The following RBFOX1 variants were observed in gnomAD, a reference collection of about 807,000 sequenced individuals.
The protein encoded by RBFOX1 is RNA binding fox-1 homolog 1, also known as RNA binding protein fox-1 homolog 1.
Under a neutral mutation model 57.7 loss-of-function variants are expected in RBFOX1, and 8 were observed. That is an observed-to-expected ratio of 0.14 (90% CI 0.08 to 0.25). RBFOX1 has a LOEUF of 0.25. Among genes scored for constraint, RBFOX1 ranks in the 10% least tolerant of loss-of-function variants. The probability of loss-of-function intolerance (pLI) is 1.00; values close to 1 mark genes in which losing one functional copy is unlikely to be tolerated. For synonymous variants in RBFOX1, 326 were observed against 222.4 expected, an observed-to-expected ratio of 1.47 and a Z score of -4.15; for missense variants, 611 against 548.5, an observed-to-expected ratio of 1.11 and a Z score of -1.14.
At chr16:7,681,492 G>T (rs1237663640) in intron 14 of RBFOX1, among the ~76,000 whole-genome samples, 1 of 152,114 alleles carries the variant, frequency 6.6e-6, no homozygotes, top group African/African-American at 2.4e-5. Flanking sequence ...TTAAGTAGTA[G>T]AGAAAGGCTG....
At chr16:7,482,639 A>C (rs1282335249) in intron 4 of RBFOX1, among the ~76,000 whole-genome samples, 1 of 140,498 alleles carries the variant, frequency 7.1e-6, no homozygotes, top group African/African-American at 2.7e-5. Flanking sequence ...AAGAGAACCC[A>C]GGAGGAAGAA....
chr16:6,903,092 A>G (rs2068875850), intron 3 of RBFOX1, among the ~76,000 whole-genome samples: 1 of 152,174 alleles, frequency 6.6e-6, no homozygotes, highest in African/African-American at 2.4e-5. Flanking sequence ...TCAGGACTTC[A>G]AGGGAAACTT....
intron 3 of RBFOX1, among the ~76,000 whole-genome samples, chr16:6,784,444 G>A (rs1282405761): frequency 6.6e-6 from 1 of 151,984 alleles, no homozygotes; most frequent in African/African-American, 2.4e-5. Flanking sequence ...CTTCAGCTCT[G>A]CAATTTCTGT....
intron 2 of RBFOX1, among the ~76,000 whole-genome samples, chr16:6,323,259 A>G (rs889753757): frequency 6.6e-6 from 1 of 152,190 alleles, no homozygotes; most frequent in Non-Finnish European, 1.5e-5. Flanking sequence ...ATGGGTAAGG[A>G]AGAGGGAAGC....
chr16:7,077,399 G>C (rs1400907294), intron 4 of RBFOX1, among the ~76,000 whole-genome samples: 1 of 152,212 alleles, frequency 6.6e-6, no homozygotes, highest in East Asian at 1.9e-4. Context: ...ATTCAGGTTA[G>C]TGTAGGTGGT....
At chr16:7,607,717 T>C (rs2056613562) in intron 10 of RBFOX1, among the ~76,000 whole-genome samples, 1 of 152,232 alleles carries the variant, frequency 6.6e-6, no homozygotes, top group African/African-American at 2.4e-5. Context: ...GTTGGCATTT[T>C]CTTTTTCCTG....
At chr16:6,955,522 C>T (rs570271682) in intron 3 of RBFOX1, among the ~76,000 whole-genome samples, 3 of 147,120 alleles carry the variant, frequency 2.0e-5, no homozygotes, top group Non-Finnish European at 3.1e-5. Context: ...TAGCTCATTG[C>T]TTGCTTTTTT....
At chr16:6,579,195 T>G (rs77371611) in intron 2 of RBFOX1, among the ~76,000 whole-genome samples, 2,521 of 152,292 alleles carry the variant, frequency 0.017, 69 homozygotes, top group African/African-American at 0.056. Flanking sequence ...TTTTGTTTTC[T>G]TTTTTGTTAT....
intron 2 of RBFOX1, among the ~76,000 whole-genome samples, chr16:6,317,956 A>G (rs1281441430): frequency 6.6e-6 from 1 of 152,210 alleles, no homozygotes; most frequent in Admixed American, 6.5e-5. Context: ...CTGGAGTATA[A>G]TTTGATACAT....
chr16:6,445,147 A>T (rs1169442120), intron 2 of RBFOX1, among the ~76,000 whole-genome samples: 4 of 152,108 alleles, frequency 2.6e-5, no homozygotes, highest in Non-Finnish European at 4.4e-5. Flanking sequence ...TGATGGGAGG[A>T]TGCAAGTGGA....
Position 6,979,533 on chromosome 16 carries a change from C to T in RBFOX1, c.-15-72524C>T, listed in dbSNP as rs561458824. On this transcript the variant is annotated intron_variant, in intron 3 of 15. Coordinates refer to ENST00000550418, the MANE Select transcript of RBFOX1 (RefSeq NM_018723.4). ...TGTAGTTAATTAAAATGAATATCTT[C>T]AATTGGATACAGCAATGCTTTTGCA... Among the ~76,000 whole-genome samples, 58 of 152,272 alleles carry T rather than the reference C, an allele frequency of 3.8e-4. No homozygotes were observed. In the South Asian group the frequency reaches 0.012, roughly 32 times the overall value.
chr16:6,262,178 C>T (rs2152637811), intron 1 of RBFOX1, among the ~76,000 whole-genome samples: 1 of 152,264 alleles, frequency 6.6e-6, no homozygotes, highest in Admixed American at 6.5e-5. Context: ...TCTGCCTTCC[C>T]ATCCAAGACA....
chr16:6,601,628 C>T lies in RBFOX1; in HGVS notation c.-63-52975C>T, dbSNP rs189174287. 3.3e-5 allele frequency among the ~76,000 whole-genome samples: 5 copies of T among 152,160 alleles called. No homozygotes were observed. The South Asian group carries it at 1.0e-3, about 32-fold the overall frequency. ...CCTATCCCCAGTCCAATCCTTGGGACTAGCTCGCTCAGGAACTCTCAGAGG... is the reference window on the plus strand; with the variant it reads ...CCTATCCCCAGTCCAATCCTTGGGATTAGCTCGCTCAGGAACTCTCAGAGG... On this transcript the variant is annotated intron_variant, in intron 2 of 15. Coordinates refer to ENST00000550418, the MANE Select transcript of RBFOX1 (RefSeq NM_018723.4).
intron 3 of RBFOX1, among the ~76,000 whole-genome samples, chr16:6,871,409 C>T (rs1406911447): frequency 6.6e-6 from 1 of 152,138 alleles, no homozygotes; most frequent in Non-Finnish European, 1.5e-5. Context: ...TGGTCTCAAA[C>T]TCCTGAGGTC....
At chr16:5,291,635 C>T (rs1184522079) in intron 1 of RBFOX1, among the ~76,000 whole-genome samples, 2 of 152,198 alleles carry the variant, frequency 1.3e-5, no homozygotes, top group South Asian at 2.1e-4. Context: ...GATGCACCTT[C>T]TGAAGTGATT....
chr16:6,939,888 A>G (rs1597831216), intron 3 of RBFOX1, among the ~76,000 whole-genome samples: 1 of 152,206 alleles, frequency 6.6e-6, no homozygotes, highest in South Asian at 2.1e-4. Flanking sequence ...ACTGCATATT[A>G]TTCAATTTCA....
At chr16:6,141,308 C>T (rs1343946940) in intron 1 of RBFOX1, among the ~76,000 whole-genome samples, 1 of 152,180 alleles carries the variant, frequency 6.6e-6, no homozygotes, top group East Asian at 1.9e-4. Flanking sequence ...TGTTCTTTTA[C>T]AAGGGCGATA....
chr16:6,725,240 A>G (rs2066922943), intron 3 of RBFOX1, among the ~76,000 whole-genome samples: 2 of 151,750 alleles, frequency 1.3e-5, no homozygotes, highest in South Asian at 4.2e-4. Context: ...TTTAGTAGGG[A>G]CAGGGTTTCA....
At chr16:7,131,656 C>T (rs1207932569) in intron 4 of RBFOX1, among the ~76,000 whole-genome samples, 3 of 151,762 alleles carry the variant, frequency 2.0e-5, no homozygotes, top group Admixed American at 1.3e-4. Flanking sequence ...ATAGGCAGAG[C>T]TTCCTTAGCA....
Sources: allele counts gnomAD v4.1 joint callset (sites outside exome capture counted in the v4.1 genomes callset), GRCh38; gene constraint gnomAD v4.1.1; transcripts MANE v1.5; gene names NCBI Gene and HGNC (gene_info 2026-07-23, HGNC 2026-07-21).